The following CADPS2 variants were observed in gnomAD, a reference collection of about 807,000 sequenced individuals.
CADPS2 encodes calcium-dependent secretion activator 2.
CADPS2 carries 93 observed loss-of-function variants against 172.5 expected under a neutral mutation model. The ratio of observed to expected loss-of-function variants is 0.54; its 90% CI spans 0.46 to 0.64. The LOEUF (loss-of-function observed/expected upper bound fraction) is 0.64, where lower values mean the gene tolerates loss of function less well. Ranked by LOEUF, CADPS2 falls within the 30% of genes least tolerant of loss-of-function variation. The probability of loss-of-function intolerance (pLI) is 0.00; values close to 1 mark genes in which losing one functional copy is unlikely to be tolerated. For missense variants in CADPS2, 1,420 were observed against 1,565.9 expected (o/e 0.91, Z 1.57); for synonymous variants, 546 against 555.2 (o/e 0.98, Z 0.23).
Position 122,477,054 on chromosome 7 carries a change from G to A in CADPS2, c.1862-2537C>T, listed in dbSNP as rs1315094724. On this transcript the variant is annotated intron_variant, in intron 12 of 29. Transcript: ENST00000449022. ...AGAGGAGAGGAGAGGAGAGAGAGAA[G>A]AGAGAGAGAGAGAGAGAGAGAGAGA... Among the ~76,000 whole-genome samples, 79 of 41,026 alleles carry A rather than the reference G, an allele frequency of 1.9e-3. 2 individuals are homozygous for A. The highest frequency in any genetic ancestry group is 9.0e-4 in the Non-Finnish European group (22 of 24,320). The allele number at this position is 41,026 out of a possible 152,430, so 26.9% of individuals were successfully genotyped here. A position where few individuals can be genotyped will look rare whatever the true frequency, so the allele number is the denominator to read the frequency against.
chr7:122,771,536 A>G (rs1005335847), intron 1 of CADPS2, among the ~76,000 whole-genome samples: 1 of 152,208 alleles, frequency 6.6e-6, no homozygotes, highest in African/African-American at 2.4e-5. Context: ...AGAAATTTCC[A>G]GTGGAGAAAG....
chr7:122,766,956 G>A (rs1220314293), intron 1 of CADPS2, among the ~76,000 whole-genome samples: 1 of 152,126 alleles, frequency 6.6e-6, no homozygotes, highest in Non-Finnish European at 1.5e-5. Flanking sequence ...ACTGACATAA[G>A]AATGAAATTA....
intron 11 of CADPS2, among the ~76,000 whole-genome samples, chr7:122,481,162 C>CT (rs35352953): frequency 0.1 from 11,062 of 107,406 alleles, 818 homozygotes; most frequent in Non-Finnish European, 0.15. Flanking sequence ...TTTCTTCATT[C>CT]TTTTTTTTTT....
At chr7:122,686,285 T>A (rs1273261671) in intron 2 of CADPS2, among the ~76,000 whole-genome samples, 1 of 152,206 alleles carries the variant, frequency 6.6e-6, no homozygotes, top group Non-Finnish European at 1.5e-5. Context: ...AGGAAAGGAT[T>A]TCTTTGCACA....
intron 17 of CADPS2, among the ~76,000 whole-genome samples, chr7:122,433,498 G>A (rs1343258074): frequency 1.3e-5 from 2 of 150,490 alleles, no homozygotes; most frequent in Non-Finnish European, 3.0e-5. Context: ...CTGCCTCCCA[G>A]GTTCAAGTGA....
At chr7:122,532,003 C>T (rs2061795073) in intron 8 of CADPS2, among the ~76,000 whole-genome samples, 1 of 150,808 alleles carries the variant, frequency 6.6e-6, no homozygotes, top group Non-Finnish European at 1.5e-5. Context: ...TGCACTCCAG[C>T]CTGGGTGACA....
intron 9 of CADPS2, among the ~76,000 whole-genome samples, chr7:122,509,379 CTGT>C (rs2059853724): frequency 6.6e-6 from 1 of 152,196 alleles, no homozygotes; most frequent in South Asian, 2.1e-4. Context: ...TGATAGCCTA[CTGT>C]TGTTTGCAGA....
chr7:122,355,212 C>T (rs2151077370), intron 27 of CADPS2, among the ~76,000 whole-genome samples: 1 of 152,186 alleles, frequency 6.6e-6, no homozygotes, highest in East Asian at 1.9e-4. Flanking sequence ...ACATGAATTC[C>T]TCCTTTTCTG....
intron 9 of CADPS2, among the ~76,000 whole-genome samples, chr7:122,501,763 T>C (rs1003983955): frequency 6.0e-5 from 9 of 150,210 alleles, no homozygotes; most frequent in Non-Finnish European, 1.3e-4. Flanking sequence ...TAGTCCCAGC[T>C]ACTCGGGAGG....
intron 6 of CADPS2, among the ~76,000 whole-genome samples, chr7:122,608,608 G>A (rs2073899374): frequency 1.3e-5 from 2 of 152,090 alleles, no homozygotes; most frequent in African/African-American, 4.8e-5. Flanking sequence ...CATAAATGTA[G>A]TTCTCTAATG....
At chr7:122,449,094 C>A (rs189641486) in intron 15 of CADPS2, among the ~76,000 whole-genome samples, 27 of 152,190 alleles carry the variant, frequency 1.8e-4, no homozygotes, top group African/African-American at 6.5e-4. Context: ...AGTGAGCATG[C>A]AAATTTATTT....
chr7:122,883,391 A>C (rs760963548), intron 1 of CADPS2, among the ~76,000 whole-genome samples: 2 of 152,208 alleles, frequency 1.3e-5, no homozygotes, highest in African/African-American at 2.4e-5. Flanking sequence ...GAGAGAAGTG[A>C]GTAAGCAGCA....
chr7:122,836,628 C>A (rs1466140658), intron 1 of CADPS2, among the ~76,000 whole-genome samples: 1 of 152,108 alleles, frequency 6.6e-6, no homozygotes, highest in Non-Finnish European at 1.5e-5. Flanking sequence ...GGTTGCAATC[C>A]TAGTCTCTGA....
chr7:122,864,521 C>T (rs1817798500), intron 1 of CADPS2, among the ~76,000 whole-genome samples: 2 of 151,924 alleles, frequency 1.3e-5, no homozygotes, highest in Admixed American at 1.3e-4. Flanking sequence ...TGTCACATGG[C>T]CACTTGTAGC....
intron 1 of CADPS2, among the ~76,000 whole-genome samples, chr7:122,803,695 G>T (rs1798133980): frequency 1.3e-5 from 2 of 152,250 alleles, no homozygotes; most frequent in South Asian, 2.1e-4. Flanking sequence ...ATGGTAGTTT[G>T]TATGTCTGTG....
At chr7:122,839,311 A>G (rs1809624996) in intron 1 of CADPS2, among the ~76,000 whole-genome samples, 1 of 152,284 alleles carries the variant, frequency 6.6e-6, no homozygotes, top group East Asian at 1.9e-4. Context: ...TGTTAGACCT[A>G]AAACCATAAA....
intron 12 of CADPS2, among the ~76,000 whole-genome samples, 183 bp from the exon 13 acceptor site, chr7:122,474,700 C>T (rs183817257): frequency 2.1e-4 from 32 of 152,016 alleles, no homozygotes; most frequent in Admixed American, 3.9e-4. Context: ...TAAGTAAAAA[C>T]AACAGCAAAA....
intron 2 of CADPS2, among the ~76,000 whole-genome samples, chr7:122,717,285 C>G (rs762244065): frequency 2.7e-4 from 41 of 152,214 alleles, no homozygotes; most frequent in Admixed American, 6.6e-4. Context: ...AGTTGACAAA[C>G]ATTTAGTAGC....
chr7:122,721,809 T>G (rs1297243362), intron 2 of CADPS2, among the ~76,000 whole-genome samples: 3 of 152,080 alleles, frequency 2.0e-5, no homozygotes, highest in Non-Finnish European at 4.4e-5. Flanking sequence ...ACTGGCAAAC[T>G]GAATCCAGCA....
Sources: gnomAD v4.1 joint callset for allele counts (sites outside exome capture counted in the v4.1 genomes callset) on GRCh38, gnomAD v4.1.1 for gene constraint, MANE v1.5 for transcripts, NCBI Gene and HGNC (gene_info 2026-07-23, HGNC 2026-07-21) for gene names.